The following SLC25A46 variants were observed in gnomAD, a reference collection of about 807,000 sequenced individuals.
The protein encoded by SLC25A46 is solute carrier family 25 member 46, also known as mitochondrial outer membrane protein SLC25A46.
A neutral mutation model predicts 44.6 loss-of-function variants in SLC25A46; 39 were observed. The ratio of observed to expected loss-of-function variants is 0.87; its 90% CI spans 0.68 to 1.14. The LOEUF (loss-of-function observed/expected upper bound fraction) is 1.14. Among genes scored for constraint, SLC25A46 ranks in the 50% most tolerant of loss-of-function variants. The pLI is 0.00. For synonymous variants in SLC25A46, 202 were observed against 185.8 expected (o/e 1.09, Z -0.71); for missense variants, 547 against 522.7 (o/e 1.05, Z -0.45).
chr5:110,744,547 C>G (rs1043893396), intron 3 of SLC25A46, among the ~76,000 whole-genome samples: 1 of 152,114 alleles, frequency 6.6e-6, no homozygotes, highest in African/African-American at 2.4e-5. Context: ...ATCAAAAAAT[C>G]ATCTTCATTA....
chr5:110,743,024 A>T (rs1799728519), intron 2 of SLC25A46, among the ~76,000 whole-genome samples: 1 of 152,050 alleles, frequency 6.6e-6, no homozygotes, highest in East Asian at 1.9e-4. Context: ...TGTGTTTTCC[A>T]TTCTGCTGGA....
Position 110,746,310 on chromosome 5 carries a change from A to G in SLC25A46, c.426A>G (p.Thr142=), listed in dbSNP as rs758691521. The change falls in exon 4 of 8, where the codon ACA becomes ACG. Residue 142 remains threonine, a synonymous_variant. Transcript: ENST00000355943. ...HAQHYHLTPF[T]VINIMYSFNK... Reference sequence around the variant, plus strand: ...AGCATTACCATCTCACTCCATTTACAGTCATCAATATTATGTACAGTTTCA... The same window carrying G: ...AGCATTACCATCTCACTCCATTTACGGTCATCAATATTATGTACAGTTTCA... The G allele has an allele frequency of 6.9e-6, 11 of 1,593,320 alleles. No individual in the cohort carries two copies. The highest frequency in any genetic ancestry group is 1.7e-4 in the Middle Eastern group (1 of 6,004).
chr5:110,738,218 C>A, upstream of SLC25A46: 1 of 1,286,848 alleles, frequency 7.8e-7, no homozygotes, highest in Non-Finnish European at 1.0e-6. Flanking sequence ...GGGAGCCTGG[C>A]CCAAGAGCCC....
chr5:110,747,908 T>C (rs1174920636), intron 4 of SLC25A46, among the ~76,000 whole-genome samples: 1 of 152,066 alleles, frequency 6.6e-6, no homozygotes, highest in African/African-American at 2.4e-5. Flanking sequence ...ACAGGACTAG[T>C]AGGGAGTTGA....
upstream of SLC25A46, chr5:110,738,844 A>G (rs902845927): frequency 1.5e-6 from 1 of 661,674 alleles, no homozygotes; most frequent in Non-Finnish European, 2.4e-6. Flanking sequence ...TGTTTCATTA[A>G]TCCCACAACC....
chr5:110,742,802 A>G (rs1050198141), intron 2 of SLC25A46, among the ~76,000 whole-genome samples: 3 of 152,054 alleles, frequency 2.0e-5, no homozygotes, highest in African/African-American at 7.2e-5. Context: ...TGGTGATAGC[A>G]TTACTTTTTT....
intron 1 of SLC25A46, among the ~76,000 whole-genome samples, chr5:110,740,338 TAAG>T (rs1799628400): frequency 1.3e-5 from 2 of 152,200 alleles, no homozygotes; most frequent in Non-Finnish European, 2.9e-5. Flanking sequence ...AATATTTAAC[TAAG>T]AAGAACAGAC....
At position 110,761,836 on chromosome 5, in the gene SLC25A46, A is replaced by G. The variant is rs552254255; in HGVS notation, c.*54A>G. The G allele has an allele frequency of 3.5e-6, 5 of 1,423,130 alleles. No individual in the cohort carries two copies. The highest frequency in any genetic ancestry group is 4.8e-5 in the East Asian group (2 of 41,776). The allele number at this position is 1,423,130 out of a possible 1,614,324, so 88.2% of individuals were successfully genotyped here. On this transcript the variant is annotated 3_prime_UTR_variant, in exon 8 of 8. Transcript: ENST00000355943. This position sits in a 1 kb window ranked among gnomAD's most constrained non-coding sequence, Gnocchi z 5.3. ...GAAGATATAATCTGGATAATTTGCTATGAAGTTATGAGGGATACAAGTGAA... is the reference window on the plus strand; with the variant it reads ...GAAGATATAATCTGGATAATTTGCTGTGAAGTTATGAGGGATACAAGTGAA...
chr5:110,742,148 T>G (rs1799707723), intron 2 of SLC25A46, 59 bp downstream of exon 2: 1 of 1,181,318 alleles, frequency 8.5e-7, no homozygotes, highest in Admixed American at 2.5e-5. Flanking sequence ...AGTTTTTCTT[T>G]AATTTACAAT....
intron 3 of SLC25A46, chr5:110,745,475 G>A (rs980542344): frequency 1.1e-4 from 17 of 152,176 alleles, no homozygotes; most frequent in African/African-American, 4.1e-4. Flanking sequence ...GGATGGTCTC[G>A]ATCTCCTGAC....
chr5:110,738,823 C>T (rs1799494389), upstream of SLC25A46: 1 of 564,576 alleles, frequency 1.8e-6, no homozygotes, highest in South Asian at 2.4e-5. Context: ...TCTGGAATCT[C>T]TTTGGTACTG....
At chr5:110,744,045 A>T (rs1030986409) in intron 3 of SLC25A46, among the ~76,000 whole-genome samples, 4 of 152,200 alleles carry the variant, frequency 2.6e-5, no homozygotes, top group Non-Finnish European at 5.9e-5. Flanking sequence ...TATATAATTC[A>T]TTAAAATAAT....
chr5:110,740,748 G>A (rs535595370), intron 1 of SLC25A46, among the ~76,000 whole-genome samples: 1 of 152,134 alleles, frequency 6.6e-6, no homozygotes, highest in African/African-American at 2.4e-5. Context: ...TCAGGAGATC[G>A]AGACCATCCT....
rs1006640796 is a variant in SLC25A46 at position 110,743,881 on chromosome 5, T to C, written c.384+94T>C. 5.3e-6 allele frequency: 5 copies of C among 940,510 alleles called. No homozygotes were observed. The Admixed American group carries it at 1.3e-4, about 24-fold the overall frequency. 58.3% of individuals were successfully genotyped at this position (940,510 alleles called of 1,614,324 possible). A position where few individuals can be genotyped will look rare whatever the true frequency, so the allele number is the denominator to read the frequency against. On this transcript the variant is annotated intron_variant, in intron 3 of 7. Transcript: ENST00000355943. ...AAATGACATGAAACCAGGTAATTGT[T>C]ACTTCATGTGAAATGTTCCAAACTT...
rs745602623 is a variant in SLC25A46, at chr5:110,748,172, G to A, written c.472G>A (p.Ala158Thr). 4.3e-6 allele frequency: 7 copies of A among 1,612,694 alleles called. No homozygotes were observed. The South Asian group carries it at 7.7e-5, about 18-fold the overall frequency. ...ATTTTGTTCAATTTAGGGACCTAGA[G>A]CCCTGTGGAAAGGAATGGGAAGTAC... Reference protein sequence around the residue: ...YSFNKTQGPRALWKGMGSTFI... With the variant: ...YSFNKTQGPRTLWKGMGSTFI... Residue 158 changes from alanine (A) to threonine (T), a missense_variant, in exon 5 of 8, where the codon GCC (alanine) becomes ACC (threonine). Ala to Thr is a moderately conservative substitution (Grantham distance 58). Coordinates refer to ENST00000355943, the MANE Select transcript of SLC25A46 (RefSeq NM_138773.4).
Position 110,761,913 on chromosome 5 carries a change from C to T in SLC25A46, c.*131C>T, listed in dbSNP as rs1800263393. ...AGTAAAATTGGTACTAAAGCCCATA[C>T]TGATTATCTTGACTTTGTTTTTTAA... is the stretch of plus-strand genomic sequence containing the variant. On this transcript the variant is annotated 3_prime_UTR_variant, in exon 8 of 8. Coordinates refer to ENST00000355943, the MANE Select transcript of SLC25A46 (RefSeq NM_138773.4). The surrounding 1 kb of genome is among the most constrained non-coding windows in gnomAD (Gnocchi z 5.3). The T allele has an allele frequency of 1.4e-6, 1 of 737,510 alleles. No individual in the cohort carries two copies. The highest frequency in any genetic ancestry group is 2.1e-6 in the Non-Finnish European group (1 of 467,054). 45.7% of individuals were successfully genotyped at this position (737,510 alleles called of 1,614,324 possible).
chr5:110,738,462 C>T (rs1214013961), upstream of SLC25A46, among the ~76,000 whole-genome samples: 5 of 152,114 alleles, frequency 3.3e-5, no homozygotes, highest in Admixed American at 6.6e-5. Context: ...TTCTTTCACC[C>T]CCGACGTGCA....
In SLC25A46 at chr5:110,739,030, C is replaced by T. The variant is rs1489091195; in HGVS notation, c.-90C>T. On this transcript the variant is annotated 5_prime_UTR_variant, in exon 1 of 8. Coordinates refer to ENST00000355943, the MANE Select transcript of SLC25A46 (RefSeq NM_138773.4). ...TCAGAATTTACCCCTGACGCGGCGG[C>T]GGCCGACGGGAAGCTGTGTGTGCTT... 1 of 1,487,900 alleles carries T rather than the reference C, an allele frequency of 6.7e-7. No individual in the cohort carries two copies. Among genetic ancestry groups the T allele is most frequent in the South Asian group, 1.3e-5 (1 of 77,582 alleles). 92.2% of individuals were successfully genotyped at this position (1,487,900 alleles called of 1,614,324 possible).
intron 5 of SLC25A46, among the ~76,000 whole-genome samples, chr5:110,751,666 C>A (rs1340137062): frequency 6.6e-6 from 1 of 152,138 alleles, no homozygotes; most frequent in Non-Finnish European, 1.5e-5. Flanking sequence ...TAAAAGGAGA[C>A]ATCTTAGTAT....
Sources: allele counts gnomAD v4.1 joint callset (sites outside exome capture counted in the v4.1 genomes callset), GRCh38; gene constraint gnomAD v4.1.1; non-coding constraint Gnocchi (gnomAD v3.1); transcripts MANE v1.5; gene names NCBI Gene and HGNC (gene_info 2026-07-23, HGNC 2026-07-21).